The following MEIG1 variants were observed in gnomAD, a reference collection of about 807,000 sequenced individuals.
The protein encoded by MEIG1 is meiosis/spermiogenesis associated 1.
MEIG1 carries 12 observed loss-of-function variants against 11.3 expected under a neutral mutation model. The ratio of observed to expected loss-of-function variants is 1.07; its 90% CI spans 0.68 to 1.73. The LOEUF is 1.73. Among genes scored for constraint, MEIG1 ranks in the 40% most tolerant of loss-of-function variants. The pLI, the probability that MEIG1 is intolerant of heterozygous loss-of-function variation, is 0.00. For synonymous variants in MEIG1, 41 were observed against 33.2 expected (o/e 1.24, Z -0.81); for missense variants, 119 against 104.9 (o/e 1.13, Z -0.59).
At chr10:14,961,160 C>A (rs1843008236) in intron 1 of MEIG1, among the ~76,000 whole-genome samples, 1 of 152,220 alleles carries the variant, frequency 6.6e-6, no homozygotes, top group African/African-American at 2.4e-5. Context: ...CCTCAGAACA[C>A]TTAGCTCCCC....
rs752832334 is a variant in MEIG1 at position 14,972,016 on chromosome 10, C to CT, written c.139-483dup. 5.5e-3 allele frequency among the ~76,000 whole-genome samples: 783 copies of CT among 143,016 alleles called. 6 individuals carry two copies. Among genetic ancestry groups the CT allele is most frequent in the Middle Eastern group, 0.029 (8 of 274 alleles). 93.8% of individuals were successfully genotyped at this position (143,016 alleles called of 152,430 possible). The stretch of plus-strand genomic sequence containing the variant: ...TAGAGAAAAGCACTGAATTAGTTGT[C>CT]TTTTTTTTTTTTTTCCGAGGCAGGG... On this transcript the variant is annotated intron_variant, in intron 2 of 2. Coordinates refer to ENST00000407572, the MANE Select transcript of MEIG1 (RefSeq NM_001080836.3).
At chr10:14,983,308 A>G (rs1843283800) in intron 1 of MEIG1, among the ~76,000 whole-genome samples, 1 of 152,098 alleles carries the variant, frequency 6.6e-6, no homozygotes. Flanking sequence ...TATCGCAGGA[A>G]GTGCACAACC....
chr10:14,966,124 C>G (rs1281261393), intron 1 of MEIG1, among the ~76,000 whole-genome samples: 3 of 131,584 alleles, frequency 2.3e-5, no homozygotes, highest in African/African-American at 8.7e-5. Flanking sequence ...AGTGCGGTGG[C>G]ACAATCTCAG....
chr10:14,968,320 T>C (rs1843111762), intron 2 of MEIG1, among the ~76,000 whole-genome samples: 2 of 152,030 alleles, frequency 1.3e-5, no homozygotes, highest in African/African-American at 4.8e-5. Context: ...AAACCCTGTC[T>C]CTACTAAAAA....
chr10:14,956,302 A>G (rs963290992), upstream of MEIG1, among the ~76,000 whole-genome samples: 1 of 152,158 alleles, frequency 6.6e-6, no homozygotes, highest in Non-Finnish European at 1.5e-5. Context: ...ATTCAGGGCC[A>G]GTGTGGTGGC....
intron 1 of MEIG1, among the ~76,000 whole-genome samples, chr10:14,963,800 T>G (rs1843044031): frequency 6.6e-6 from 1 of 152,076 alleles, no homozygotes; most frequent in African/African-American, 2.4e-5. Flanking sequence ...CCATCTCTAC[T>G]AAAAATATAA....
chr10:14,965,805 G>A (rs1311131582), intron 1 of MEIG1, among the ~76,000 whole-genome samples: 1 of 151,854 alleles, frequency 6.6e-6, no homozygotes, highest in African/African-American at 2.4e-5. Flanking sequence ...ACTATTACCT[G>A]GAACTCCAGT....
chr10:14,958,757 G>C (rs1036013546), upstream of MEIG1, among the ~76,000 whole-genome samples: 5 of 152,056 alleles, frequency 3.3e-5, no homozygotes, highest in East Asian at 9.6e-4. Context: ...TTAGCCAGGC[G>C]TGGTGGTGGG....
chr10:14,977,842 G>A (rs537262591), downstream of MEIG1, among the ~76,000 whole-genome samples: 1 of 151,876 alleles, frequency 6.6e-6, no homozygotes, highest in Non-Finnish European at 1.5e-5. Context: ...TCATATCCTA[G>A]GGAGGTATTC....
upstream of MEIG1, among the ~76,000 whole-genome samples, chr10:14,957,451 G>A (rs1339063208): frequency 6.6e-6 from 1 of 152,156 alleles, no homozygotes; most frequent in Non-Finnish European, 1.5e-5. Flanking sequence ...TGTGTGCTAG[G>A]CAGTGTTAGG....
intron 1 of MEIG1, among the ~76,000 whole-genome samples, chr10:14,984,195 C>T (rs561249374): frequency 2.6e-5 from 4 of 151,508 alleles, no homozygotes; most frequent in African/African-American, 7.3e-5. Context: ...TGCTATTACT[C>T]CCCGCATCGT....
Position 14,966,530 on chromosome 10 carries a change from T to G in MEIG1, c.62T>G (p.Ile21Arg). 1 of 1,612,924 alleles carries G rather than the reference T, an allele frequency of 6.2e-7. No individual in the cohort carries two copies. The highest frequency in any genetic ancestry group is 8.5e-7 in the Non-Finnish European group (1 of 1,179,462). The change falls in exon 2 of 3, where the codon ATA becomes AGA. Residue 21 changes from isoleucine (I) to arginine (R), a missense_variant. Ile to Arg is a moderately conservative substitution (Grantham distance 97). Transcript: ENST00000407572. ...VSHAKKWSEE[I>R]ENLYRFQQAG... Reference sequence around the variant, plus strand: ...CATGCCAAAAAATGGTCAGAAGAGATAGAAAATCTGTACAGATTTCAACAA... The same window carrying G: ...CATGCCAAAAAATGGTCAGAAGAGAGAGAAAATCTGTACAGATTTCAACAA...
At chr10:14,968,633 T>G (rs550126688) in intron 2 of MEIG1, among the ~76,000 whole-genome samples, 1 of 152,334 alleles carries the variant, frequency 6.6e-6, no homozygotes, top group African/African-American at 2.4e-5. Context: ...TTTAAAATAC[T>G]GATCAAGTGA....
At chr10:14,960,546 G>T (rs1185488116) in intron 1 of MEIG1, among the ~76,000 whole-genome samples, 1 of 152,052 alleles carries the variant, frequency 6.6e-6, no homozygotes, top group African/African-American at 2.4e-5. Context: ...AGCCTCCCGA[G>T]TAGCTGGGAC....
At chr10:14,983,389 A>G (rs531912514) in intron 1 of MEIG1, among the ~76,000 whole-genome samples, 1 of 152,102 alleles carries the variant, frequency 6.6e-6, no homozygotes, top group African/African-American at 2.4e-5. Context: ...CAGGCTGTGT[A>G]CACCCACCCT....
chr10:14,972,854 C>T lies in MEIG1; in HGVS notation c.*213C>T. 2.5e-6 allele frequency: 1 copy of T among 405,644 alleles called. No individual in the cohort carries two copies. Among genetic ancestry groups the T allele is most frequent in the Non-Finnish European group, 4.4e-6 (1 of 227,558 alleles). The allele number at this position is 405,644 out of a possible 1,614,324, so 25.1% of individuals were successfully genotyped here. A position where few individuals can be genotyped will look rare whatever the true frequency, so the allele number is the denominator to read the frequency against. On this transcript the variant is annotated 3_prime_UTR_variant, in exon 3 of 3. Transcript: ENST00000407572. ...GCATTAAAGTTGTACTTTCTTGGTCCTGCTCTTTTTGTCCATTTTATTTTA... is the reference window on the plus strand; with the variant it reads ...GCATTAAAGTTGTACTTTCTTGGTCTTGCTCTTTTTGTCCATTTTATTTTA...
At chr10:14,962,453 A>G (rs7085679) in intron 1 of MEIG1, among the ~76,000 whole-genome samples, 97,501 of 152,080 alleles carry the variant, frequency 0.64, 31,568 homozygotes, top group Non-Finnish European at 0.68. Flanking sequence ...GAGGATGTCT[A>G]TTTCTACTGA....
upstream of MEIG1, among the ~76,000 whole-genome samples, chr10:14,955,227 G>T (rs1192596435): frequency 1.3e-5 from 2 of 152,182 alleles, no homozygotes; most frequent in African/African-American, 4.8e-5. Flanking sequence ...TGGCTTTCCA[G>T]GCCTCCATAA....
chr10:14,966,009 A>G (rs1843078455), intron 1 of MEIG1, among the ~76,000 whole-genome samples: 1 of 151,338 alleles, frequency 6.6e-6, no homozygotes, highest in South Asian at 2.1e-4. Context: ...AAAAACTACT[A>G]TATTTAATGG....
Sources: allele counts gnomAD v4.1 joint callset (sites outside exome capture counted in the v4.1 genomes callset), GRCh38; gene constraint gnomAD v4.1.1; transcripts MANE v1.5; gene names NCBI Gene and HGNC (gene_info 2026-07-23, HGNC 2026-07-21).